Variants in TRPM7 observed in about 807,000 individuals in gnomAD.
The protein encoded by TRPM7 is LTRPC ion channel family member 7.
Under a neutral mutation model 229.7 loss-of-function variants are expected in TRPM7, and 134 were observed. The observed-to-expected ratio is 0.58, with a 90% CI of 0.51 to 0.67. The LOEUF is 0.67. Among genes scored for constraint, TRPM7 ranks in the 30% least tolerant of loss-of-function variants. TRPM7 has a pLI of 0.00. For missense variants in TRPM7, 1,901 were observed against 2,210.0 expected (o/e 0.86, Z 2.80); for synonymous variants, 699 against 715.2 (o/e 0.98, Z 0.36).
chr15:50,594,562 C>A lies in TRPM7; in HGVS notation c.3342G>T (p.Gln1114His). ...KAISNIVWKYQRYHFIMAYHE... is the reference protein window; with the variant it reads ...KAISNIVWKYHRYHFIMAYHE... ...GATAAGCCATAATAAAATGATAACG[C>A]TGGTACTTCCATACAATATTGGAAA... Residue 1114 changes from glutamine to histidine, a missense_variant, in exon 24 of 39, where the codon CAG (glutamine) becomes CAT (histidine). Physicochemically the swap from Gln to His is conservative, Grantham distance 24. This residue lies in a region of TRPM7 where 89 missense variants were observed against 178.2 expected (regional missense o/e 0.50). Transcript: ENST00000646667. 1 of 1,611,990 alleles carries A rather than the reference C, an allele frequency of 6.2e-7. No individual in the cohort carries two copies. The highest frequency in any genetic ancestry group is 1.3e-5 in the African/African-American group (1 of 74,960).
chr15:50,588,957 T>C (rs1369150030), intron 27 of TRPM7, among the ~76,000 whole-genome samples: 3 of 152,196 alleles, frequency 2.0e-5, no homozygotes, highest in Non-Finnish European at 4.4e-5. Context: ...AATAAAACTT[T>C]TGGATCTGGG....
chr15:50,613,869 T>C, intron 14 of TRPM7, 28 bp from the exon 15 acceptor site: 3 of 1,602,480 alleles, frequency 1.9e-6, no homozygotes, highest in East Asian at 2.2e-5. Context: ...TTAGCTTTTA[T>C]AGATTTAAAC....
chr15:50,684,627 G>A (rs1020045703), intron 1 of TRPM7, among the ~76,000 whole-genome samples: 3 of 151,900 alleles, frequency 2.0e-5, no homozygotes, highest in Non-Finnish European at 4.4e-5. Context: ...GCAACAGAGC[G>A]AGACTCGGTC....
intron 10 of TRPM7, among the ~76,000 whole-genome samples, chr15:50,630,868 C>T (rs901507280): frequency 5.3e-5 from 8 of 151,970 alleles, no homozygotes; most frequent in African/African-American, 1.9e-4. Context: ...TAGGGTCTTG[C>T]TCTGTTGCCC....
At position 50,611,272 on chromosome 15, in the gene TRPM7, C is replaced by A; in HGVS notation, c.2101G>T (p.Asp701Tyr). ...VELLEQSFRQDETMAMKLLTY... is the reference protein window; with the variant it reads ...VELLEQSFRQYETMAMKLLTY... Reference sequence around the variant, plus strand: ...AGCAATTTCATAGCCATGGTTTCATCTTGTCTGAAGGACTGTTCTAATAAT... The same window carrying A: ...AGCAATTTCATAGCCATGGTTTCATATTGTCTGAAGGACTGTTCTAATAAT... Residue 701 changes from aspartate to tyrosine, a missense_variant, in exon 17 of 39, where the codon GAT becomes TAT. This residue lies in a region of TRPM7 where 794 missense variants were observed against 881.9 expected (regional missense o/e 0.90). Transcript: ENST00000646667. 1 of 1,613,892 alleles carries A rather than the reference C, an allele frequency of 6.2e-7. No individual in the cohort carries two copies. The highest frequency in any genetic ancestry group is 8.5e-7 in the Non-Finnish European group (1 of 1,179,894).
At chr15:50,611,845 A>G (rs565034693) in intron 16 of TRPM7, among the ~76,000 whole-genome samples, 7 of 152,232 alleles carry the variant, frequency 4.6e-5, no homozygotes, top group Non-Finnish European at 1.0e-4. Context: ...TATATATTAG[A>G]AAACTTCTAC....
At chr15:50,575,511 G>C (rs1228825009) in intron 33 of TRPM7, among the ~76,000 whole-genome samples, 1 of 152,088 alleles carries the variant, frequency 6.6e-6, no homozygotes, top group East Asian at 1.9e-4. Context: ...ATATATTGTT[G>C]CTTCTGAATA....
At chr15:50,601,200 G>C (rs986488783) in intron 21 of TRPM7, among the ~76,000 whole-genome samples, 1 of 152,170 alleles carries the variant, frequency 6.6e-6, no homozygotes, top group Non-Finnish European at 1.5e-5. Context: ...AATTATTCAA[G>C]GTCTATGGTT....
Position 50,570,163 on chromosome 15 carries a change from T to G in TRPM7, c.5309-8A>C. ...TCAAATTTTCACCAACACCTTTATATGTGTATATAAAAAAGACAAATAATT... is the reference window on the plus strand; with the variant it reads ...TCAAATTTTCACCAACACCTTTATAGGTGTATATAAAAAAGACAAATAATT... On this transcript the variant is annotated splice_region_variant and splice_polypyrimidine_tract_variant and intron_variant, in intron 36 of 38. Transcript: ENST00000646667. The G allele has an allele frequency of 6.3e-7, 1 of 1,582,064 alleles. No individual in the cohort carries two copies. Among genetic ancestry groups the G allele is most frequent in the Non-Finnish European group, 8.6e-7 (1 of 1,162,116 alleles).
At chr15:50,679,640 A>G (rs568781831) in intron 1 of TRPM7, among the ~76,000 whole-genome samples, 1 of 148,844 alleles carries the variant, frequency 6.7e-6, no homozygotes, top group East Asian at 2.0e-4. Context: ...GATTCAACCA[A>G]TTCTCATGCC....
rs761432910 is a variant in TRPM7, at chr15:50,628,178, G to T, written c.1276C>A (p.His426Asn). 11 of 1,613,028 alleles carry T rather than the reference G, an allele frequency of 6.8e-6. No individual in the cohort carries two copies. In the South Asian group the frequency reaches 7.7e-5, roughly 11 times the overall value. ...CACTGCTGTCCATAAACAAATACAT[G>T]ATTTTTGGCAATGTCAACTCTATCC... The part of the protein sequence containing the change: ...AWDRVDIAKN[H>N]VFVYGQQWLV... The change falls in exon 11 of 39, where the codon CAT becomes AAT. Residue 426 changes from histidine to asparagine, a missense_variant. This residue lies in a region of TRPM7 where 794 missense variants were observed against 881.9 expected (regional missense o/e 0.90). Coordinates refer to ENST00000646667, the MANE Select transcript of TRPM7 (RefSeq NM_017672.6).
intron 1 of TRPM7, among the ~76,000 whole-genome samples, chr15:50,680,504 G>A (rs527464709): frequency 1.1e-4 from 17 of 151,786 alleles, no homozygotes; most frequent in Admixed American, 9.2e-4. Context: ...GGGAGGCGGA[G>A]TCTGCAATGA....
intron 10 of TRPM7, 37 bp from the exon 11 acceptor site, chr15:50,628,286 A>G: frequency 7.0e-7 from 1 of 1,433,360 alleles, no homozygotes; most frequent in Middle Eastern, 2.2e-4. Flanking sequence ...AGGTTCAATT[A>G]ATTTATCTCC....
At chr15:50,635,212 G>C (rs1414551507) in intron 7 of TRPM7, among the ~76,000 whole-genome samples, 1 of 150,874 alleles carries the variant, frequency 6.6e-6, no homozygotes, top group Non-Finnish European at 1.5e-5. Context: ...AGCTACTCAG[G>C]AGGGCTGAGG....
chr15:50,686,457 T>C, intron 1 of TRPM7, 74 bp downstream of exon 1: 12 of 1,613,256 alleles, frequency 7.4e-6, no homozygotes, highest in Non-Finnish European at 1.0e-5. Flanking sequence ...CCCACACACT[T>C]GCCTGCCAAG....
chr15:50,619,860 A>G, intron 12 of TRPM7, 62 bp from the exon 13 acceptor site: 1 of 1,410,592 alleles, frequency 7.1e-7, no homozygotes, highest in South Asian at 1.3e-5. Context: ...TAAACCTTAC[A>G]GGATTTTTAT....
chr15:50,681,278 C>CACAA (rs1434187983), intron 1 of TRPM7, among the ~76,000 whole-genome samples: 1 of 151,642 alleles, frequency 6.6e-6, no homozygotes, highest in Non-Finnish European at 1.5e-5. Context: ...CACACACACA[C>CACAA]ACACACACAC....
chr15:50,613,524 A>AG (rs2060123359), intron 15 of TRPM7, among the ~76,000 whole-genome samples, 183 bp downstream of exon 15: 1 of 147,036 alleles, frequency 6.8e-6, no homozygotes, highest in Non-Finnish European at 1.5e-5. Flanking sequence ...AAAAAAAAAA[A>AG]GGAACAGAAT....
chr15:50,604,907 T>C lies in TRPM7; in HGVS notation c.2947A>G (p.Asn983Asp). 1 of 1,611,346 alleles carries C rather than the reference T, an allele frequency of 6.2e-7. No individual in the cohort carries two copies. The highest frequency in any genetic ancestry group is 8.5e-7 in the Non-Finnish European group (1 of 1,178,604). Residue 983 changes from asparagine (N) to aspartate (D), a missense_variant, in exon 21 of 39, where the codon AAT (asparagine) becomes GAT (aspartate). This residue lies in a region of TRPM7 where 207 missense variants were observed against 241.5 expected (regional missense o/e 0.86). Coordinates refer to ENST00000646667, the MANE Select transcript of TRPM7 (RefSeq NM_017672.6). ...ATTACATAAGGTCCTGCCTGTTGAT[T>C]TACAGCTAGAAAATCTAGCAAACGC... is the stretch of plus-strand genomic sequence containing the variant. ...YVRLLDFLAV[N>D]QQAGPYVMMI...
Sources: gnomAD v4.1 joint callset for allele counts (sites outside exome capture counted in the v4.1 genomes callset) on GRCh38, gnomAD v4.1.1 for gene constraint, gnomAD v4.1.1 regional missense constraint, MANE v1.5 for transcripts, NCBI Gene and HGNC (gene_info 2026-07-23, HGNC 2026-07-21) for gene names.